GMDS: variants seen among roughly 807,000 people sequenced by gnomAD.
The protein encoded by GMDS is GDP-mannose 4,6-dehydratase.
In GMDS, 20 loss-of-function variants were observed where a neutral mutation model predicts 49.9. That is an observed-to-expected ratio of 0.40 (90% confidence interval 0.28 to 0.58). The LOEUF is 0.58. GMDS is among the 20% of genes least tolerant of loss of function. GMDS has a pLI of 0.42. For missense variants in GMDS, 362 were observed against 481.4 expected (o/e 0.75, Z 2.32); for synonymous variants, 177 against 178.6 (o/e 0.99, Z 0.07).
chr6:2,114,748 G>A (rs1263914899), intron 4 of GMDS, among the ~76,000 whole-genome samples: 2 of 152,132 alleles, frequency 1.3e-5, no homozygotes, highest in Non-Finnish European at 2.9e-5. Flanking sequence ...ATAAGATTGA[G>A]TTTATTGCTA....
chr6:2,227,980 C>A (rs1345340577), intron 1 of GMDS, among the ~76,000 whole-genome samples: 4 of 152,348 alleles, frequency 2.6e-5, no homozygotes, highest in Middle Eastern at 6.8e-3. Flanking sequence ...GCACGTGGCC[C>A]AAGCCTGTGC....
At chr6:2,036,039 C>T (rs1246379264) in intron 4 of GMDS, among the ~76,000 whole-genome samples, 1 of 152,112 alleles carries the variant, frequency 6.6e-6, no homozygotes, top group Non-Finnish European at 1.5e-5. Flanking sequence ...GCAGGGCAGC[C>T]TGGCCTGGGC....
chr6:1,783,265 C>G (rs1769185467), intron 7 of GMDS, among the ~76,000 whole-genome samples: 2 of 152,224 alleles, frequency 1.3e-5, no homozygotes, highest in South Asian at 4.1e-4. Flanking sequence ...TCAAACAGGA[C>G]TTAATCACTC....
At chr6:1,740,583 T>C (rs146758192) in intron 8 of GMDS, among the ~76,000 whole-genome samples, 1,829 of 151,046 alleles carry the variant, frequency 0.012, 30 homozygotes, top group African/African-American at 0.041. Flanking sequence ...GAGGGTTACT[T>C]AGAAGCAACA....
intron 7 of GMDS, among the ~76,000 whole-genome samples, chr6:1,926,497 C>T (rs976357235): frequency 2.0e-5 from 3 of 152,200 alleles, no homozygotes; most frequent in Non-Finnish European, 4.4e-5. Context: ...ATAATTAAAA[C>T]GTGTGTGTAA....
chr6:1,969,380 G>A (rs1009979030), intron 4 of GMDS, among the ~76,000 whole-genome samples: 1 of 149,326 alleles, frequency 6.7e-6, no homozygotes, highest in African/African-American at 2.5e-5. Flanking sequence ...ATCTTCTAAA[G>A]TGTAAATGAA....
rs528922393 is a variant in GMDS at position 1,635,406 on chromosome 6, G to A, written c.988-10866C>T. Among the ~76,000 whole-genome samples, 93 of 152,284 alleles carry A rather than the reference G, an allele frequency of 6.1e-4. 1 individual carries two copies. The highest frequency in any genetic ancestry group is 6.8e-3 in the Middle Eastern group (2 of 294). ...CCAACATGGCCCACTTTCATCCTCC[G>A]GCTGCAGCAGGAGGAAGTCCGAGAG... On this transcript the variant is annotated intron_variant, in intron 9 of 10. Coordinates refer to ENST00000380815, the MANE Select transcript of GMDS (RefSeq NM_001500.4). This position sits in a 1 kb window ranked among gnomAD's most constrained non-coding sequence, Gnocchi z 4.7.
intron 7 of GMDS, among the ~76,000 whole-genome samples, chr6:1,911,584 A>C (rs1581346654): frequency 6.6e-6 from 1 of 152,168 alleles, no homozygotes; most frequent in African/African-American, 2.4e-5. Context: ...AATTTGTCAA[A>C]AGAATGAACA....
chr6:1,650,417 T>C (rs983127280), intron 9 of GMDS, among the ~76,000 whole-genome samples: 5 of 152,182 alleles, frequency 3.3e-5, no homozygotes, highest in African/African-American at 1.2e-4. Flanking sequence ...CTTGGTACAG[T>C]GGCACCTTTT....
chr6:1,990,274 A>T (rs1284583121), intron 4 of GMDS, among the ~76,000 whole-genome samples: 1 of 152,134 alleles, frequency 6.6e-6, no homozygotes, highest in South Asian at 2.1e-4. Context: ...CCAGCCTGGG[A>T]GACAGAGCGA....
At chr6:1,651,132 C>T (rs1048048357) in intron 9 of GMDS, among the ~76,000 whole-genome samples, 2 of 152,168 alleles carry the variant, frequency 1.3e-5, no homozygotes, top group Non-Finnish European at 2.9e-5. Flanking sequence ...ATCTGGATGA[C>T]GATGGCCATG....
intron 1 of GMDS, among the ~76,000 whole-genome samples, chr6:2,236,116 G>A (rs1781347398): frequency 6.6e-6 from 1 of 152,198 alleles, no homozygotes; most frequent in Non-Finnish European, 1.5e-5. Flanking sequence ...CAAAGGCTGG[G>A]CAGGATTATT....
intron 4 of GMDS, among the ~76,000 whole-genome samples, chr6:2,108,034 C>T (rs1032748249): frequency 6.6e-6 from 1 of 152,158 alleles, no homozygotes; most frequent in Admixed American, 6.5e-5. Context: ...CATATAACAT[C>T]ATAATAAACT....
chr6:1,814,659 A>AAT (rs1159455863), intron 7 of GMDS, among the ~76,000 whole-genome samples: 1 of 152,216 alleles, frequency 6.6e-6, no homozygotes, highest in Non-Finnish European at 1.5e-5. Flanking sequence ...ACATGGATGT[A>AAT]ATATATATAT....
chr6:1,970,935 T>C (rs1172498222), intron 4 of GMDS, among the ~76,000 whole-genome samples: 3 of 125,640 alleles, frequency 2.4e-5, no homozygotes, highest in Non-Finnish European at 4.7e-5. Context: ...CTGCATGTCC[T>C]ACACACGTAT....
chr6:1,788,277 A>C (rs150104528), intron 7 of GMDS, among the ~76,000 whole-genome samples: 46 of 152,330 alleles, frequency 3.0e-4, no homozygotes, highest in African/African-American at 1.1e-3. Flanking sequence ...GCAGAATTGC[A>C]CAGGTAAAGG....
At chr6:2,069,263 A>C (rs1347241487) in intron 4 of GMDS, among the ~76,000 whole-genome samples, 1 of 152,226 alleles carries the variant, frequency 6.6e-6, no homozygotes, top group African/African-American at 2.4e-5. Flanking sequence ...TACAAAAATC[A>C]ATTCAAGATG....
At chr6:2,052,728 C>A (rs1770497870) in intron 4 of GMDS, among the ~76,000 whole-genome samples, 1 of 152,224 alleles carries the variant, frequency 6.6e-6, no homozygotes, top group South Asian at 2.1e-4. Flanking sequence ...GAATAGAATA[C>A]AGGAGAAACT....
At chr6:1,924,559 T>C (rs112947472) in intron 7 of GMDS, among the ~76,000 whole-genome samples, 3 of 152,358 alleles carry the variant, frequency 2.0e-5, no homozygotes, top group South Asian at 2.1e-4. Context: ...TCAGTCAATA[T>C]GTTCTGGCTA....
Sources: gnomAD v4.1 joint callset for allele counts (sites outside exome capture counted in the v4.1 genomes callset) on GRCh38, gnomAD v4.1.1 for gene constraint, Gnocchi (gnomAD v3.1) non-coding constraint, MANE v1.5 for transcripts, NCBI Gene and HGNC (gene_info 2026-07-23, HGNC 2026-07-21) for gene names.